HIVEP1: variants seen among roughly 807,000 people sequenced by gnomAD.
The protein encoded by HIVEP1 is zinc finger protein 40.
Under a neutral mutation model 180.0 loss-of-function variants are expected in HIVEP1, and 36 were observed. The ratio of observed to expected loss-of-function variants is 0.20; its 90% CI spans 0.15 to 0.26. The LOEUF (loss-of-function observed/expected upper bound fraction) is 0.26, where lower values mean the gene tolerates loss of function less well. Among genes scored for constraint, HIVEP1 ranks in the 10% least tolerant of loss-of-function variants. The pLI is 1.00. For synonymous variants in HIVEP1, 1,239 were observed against 1,239.0 expected (o/e 1.00, Z 0.00); for missense variants, 3,143 against 3,268.7 (o/e 0.96, Z 0.94).
intron 3 of HIVEP1, among the ~76,000 whole-genome samples, chr6:12,100,472 G>A (rs1226135617): frequency 2.0e-5 from 3 of 152,100 alleles, no homozygotes; most frequent in African/African-American, 7.2e-5. Flanking sequence ...ATATTCTTGT[G>A]GATTCAGCTA....
chr6:12,042,884 G>A (rs891888100), intron 2 of HIVEP1, among the ~76,000 whole-genome samples: 7 of 152,072 alleles, frequency 4.6e-5, no homozygotes, highest in Admixed American at 2.6e-4. Context: ...TGAATTCAGC[G>A]TAATTGGTAT....
At chr6:12,159,457 C>T (rs3777756) in intron 7 of HIVEP1, among the ~76,000 whole-genome samples, 2 of 151,904 alleles carry the variant, frequency 1.3e-5, no homozygotes, top group African/African-American at 2.4e-5. Flanking sequence ...GAGGATGACT[C>T]GAATTTTACA....
chr6:12,186,579 C>T, the HIVEP1 span, among the ~76,000 whole-genome samples: 5 of 145,844 alleles, frequency 3.4e-5, no homozygotes, highest in South Asian at 2.1e-4. Context: ...ACTAACCATA[C>T]GGTAAATGCT....
intron 2 of HIVEP1, among the ~76,000 whole-genome samples, chr6:12,021,290 G>T (rs898758848): frequency 3.9e-5 from 6 of 152,158 alleles, no homozygotes; most frequent in African/African-American, 1.4e-4. Flanking sequence ...TGTTCTCCAC[G>T]GCATCTTGTG....
At position 12,057,872 on chromosome 6, in the gene HIVEP1, T is replaced by C. The variant is rs149640106; in HGVS notation, c.41-31312T>C. On this transcript the variant is annotated intron_variant, in intron 2 of 8. Coordinates refer to ENST00000379388, the MANE Select transcript of HIVEP1 (RefSeq NM_002114.4). ...AGTAACTGTAAAATGTGAAGAATAG[T>C]GTGCATCATTTTGGGGAAGAACGTT... Among the ~76,000 whole-genome samples, 244 of 152,336 alleles carry C rather than the reference T, an allele frequency of 1.6e-3. 2 individuals carry two copies. The highest frequency in any genetic ancestry group is 5.8e-3 in the African/African-American group (241 of 41,588).
chr6:12,164,205 A>C lies in HIVEP1; in HGVS notation c.7901A>C (p.Asp2634Ala). The C allele has an allele frequency of 6.2e-7, 1 of 1,614,194 alleles. No homozygotes were observed. Among genetic ancestry groups the C allele is most frequent in the Non-Finnish European group, 8.5e-7 (1 of 1,180,038 alleles). ...AGGCTTGATGGCCTGAGTAAAATGGACACAGAGAAGGCTGCCTCGGCAAAT... is the reference window on the plus strand; with the variant it reads ...AGGCTTGATGGCCTGAGTAAAATGGCCACAGAGAAGGCTGCCTCGGCAAAT... ...HARLDGLSKMDTEKAASANHV... is the reference protein window; with the variant it reads ...HARLDGLSKMATEKAASANHV... The change falls in exon 9 of 9, where the codon GAC becomes GCC. Residue 2634 changes from aspartate to alanine, a missense_variant. Asp to Ala is a moderately radical substitution (Grantham distance 126, BLOSUM62 -2). This residue lies in a region of HIVEP1 where 595 missense variants were observed against 602.2 expected (regional missense o/e 0.99). Transcript: ENST00000379388.
the HIVEP1 span, among the ~76,000 whole-genome samples, chr6:12,206,197 G>T: frequency 6.6e-6 from 1 of 152,018 alleles, no homozygotes. Context: ...GCAGTGGCAC[G>T]ATCTCAGCTC....
intron 2 of HIVEP1, among the ~76,000 whole-genome samples, chr6:12,022,582 A>G (rs534229252): frequency 6.6e-6 from 1 of 152,312 alleles, no homozygotes; most frequent in East Asian, 1.9e-4. Context: ...CCTTGTGTGT[A>G]AAATGGAGAT....
chr6:12,093,299 A>G (rs997494585), intron 3 of HIVEP1, among the ~76,000 whole-genome samples: 1 of 151,410 alleles, frequency 6.6e-6, no homozygotes, highest in African/African-American at 2.4e-5. Flanking sequence ...TATGTGCTTT[A>G]TTTTTCAGAT....
At chr6:12,119,865 T>G in intron 3 of HIVEP1, 25 bp from the exon 4 acceptor site, 2 of 1,322,478 alleles carry the variant, frequency 1.5e-6, no homozygotes, top group African/African-American at 1.5e-5. Context: ...TACCAATTGT[T>G]TGTTGTTGTT....
In HIVEP1 at chr6:12,124,834, G is replaced by A; in HGVS notation, c.5039G>A (p.Ser1680Asn). 2 of 1,614,182 alleles carry A rather than the reference G, an allele frequency of 1.2e-6. No homozygotes were observed. Residue 1680 changes from serine (S) to asparagine (N), a missense_variant, in exon 4 of 9, where the codon AGT (serine) becomes AAT (asparagine). Physicochemically the swap from Ser to Asn is conservative, Grantham distance 46. Coordinates refer to ENST00000379388, the MANE Select transcript of HIVEP1 (RefSeq NM_002114.4). ...CQTNHSVVPI[S>N]EEQNSVPTLQ... is the part of the protein sequence containing the mutation. Reference sequence around the variant, plus strand: ...ACTAATCATAGTGTAGTGCCAATCAGTGAAGAACAAAATTCTGTGCCAACA... The same window carrying A: ...ACTAATCATAGTGTAGTGCCAATCAATGAAGAACAAAATTCTGTGCCAACA...
chr6:12,056,627 T>C (rs1279952497), intron 2 of HIVEP1, among the ~76,000 whole-genome samples: 1 of 152,164 alleles, frequency 6.6e-6, no homozygotes, highest in Non-Finnish European at 1.5e-5. Context: ...TTTTTATGCA[T>C]CTTTTAAATT....
chr6:12,166,727 C>T (rs944674316), downstream of HIVEP1, among the ~76,000 whole-genome samples: 21 of 152,258 alleles, frequency 1.4e-4, no homozygotes, highest in African/African-American at 3.1e-4. Context: ...TAATGTAATT[C>T]GGAGAACTAA....
chr6:12,121,844 TCAAA>T lies in HIVEP1; in HGVS notation c.2052_2055del (p.Thr685Ter). 1 of 1,614,140 alleles carries T rather than the reference TCAAA, an allele frequency of 6.2e-7. No homozygotes were observed. Among genetic ancestry groups the T allele is most frequent in the Non-Finnish European group, 8.5e-7 (1 of 1,180,036 alleles). ...ACTTTTCACGTTCTGAAAGTGCCGATCAAACAGTGAGTCCACCAACTCCCTTTGC... is the reference window on the plus strand; with the variant it reads ...ACTTTTCACGTTCTGAAAGTGCCGATCAGTGAGTCCACCAACTCCCTTTGC... On this transcript the variant is annotated frameshift_variant, in exon 4 of 9. Transcript: ENST00000379388. LOFTEE classifies it high-confidence loss of function. The surrounding 1 kb of genome is among the most constrained non-coding windows in gnomAD (Gnocchi z 5.3).
At chr6:12,197,261 TG>T in the HIVEP1 span, among the ~76,000 whole-genome samples, 2 of 151,888 alleles carry the variant, frequency 1.3e-5, no homozygotes, top group Non-Finnish European at 2.9e-5. Context: ...CATTTTGACA[TG>T]GGAAAAGTGT....
At chr6:12,201,779 C>T in the HIVEP1 span, among the ~76,000 whole-genome samples, 4 of 152,140 alleles carry the variant, frequency 2.6e-5, no homozygotes, top group Non-Finnish European at 5.9e-5. Context: ...AAAAATAACT[C>T]TTATGTATAT....
At chr6:12,025,191 T>C (rs1768497500) in intron 2 of HIVEP1, among the ~76,000 whole-genome samples, 1 of 152,150 alleles carries the variant, frequency 6.6e-6, no homozygotes, top group African/African-American at 2.4e-5. Flanking sequence ...CTTGCTGATG[T>C]TGATAGTAGA....
At position 12,124,358 on chromosome 6, in the gene HIVEP1, G is replaced by T. The variant is rs375729469; in HGVS notation, c.4563G>T (p.Pro1521=). The change falls in exon 4 of 9, where the codon CCG becomes CCT. Residue 1521 remains proline (P), a synonymous_variant. Transcript: ENST00000379388. ...ATTTGTTAAATCAAATCCATGCACCGCCTAGCCACCAGAGCACACAGCTAT... is the reference window on the plus strand; with the variant it reads ...ATTTGTTAAATCAAATCCATGCACCTCCTAGCCACCAGAGCACACAGCTAT... ...DINLLNQIHA[P]PSHQSTQLSL... is the part of the protein sequence containing the mutation. 6.8e-6 allele frequency: 11 copies of T among 1,613,928 alleles called. No homozygotes were observed. The South Asian group carries it at 1.1e-4, about 16-fold the overall frequency.
intron 2 of HIVEP1, among the ~76,000 whole-genome samples, chr6:12,034,550 G>A (rs1769156620): frequency 1.3e-5 from 2 of 152,162 alleles, no homozygotes; most frequent in African/African-American, 4.8e-5. Context: ...GCCCAAAACT[G>A]TAACAGCTGC....
Sources: allele counts gnomAD v4.1 joint callset (sites outside exome capture counted in the v4.1 genomes callset), GRCh38; gene constraint gnomAD v4.1.1; regional missense constraint gnomAD v4.1.1; non-coding constraint Gnocchi (gnomAD v3.1); transcripts MANE v1.5; gene names NCBI Gene and HGNC (gene_info 2026-07-23, HGNC 2026-07-21).